PCDHA5: variants seen among roughly 807,000 people sequenced by gnomAD.
PCDHA5 encodes protocadherin alpha 5.
PCDHA5 carries 43 observed loss-of-function variants against 61.6 expected under a neutral mutation model. The ratio of observed to expected loss-of-function variants is 0.70; its 90% CI spans 0.55 to 0.90. The LOEUF (loss-of-function observed/expected upper bound fraction) is 0.90. PCDHA5 is among the 40% of genes least tolerant of loss of function. The probability of loss-of-function intolerance (pLI) is 0.00; values close to 1 mark genes in which losing one functional copy is unlikely to be tolerated. For synonymous variants in PCDHA5, 627 were observed against 543.9 expected (o/e 1.15, Z -2.13); for missense variants, 1,298 against 1,222.7 (o/e 1.06, Z -0.92).
intron 3 of PCDHA5, among the ~76,000 whole-genome samples, chr5:140,985,879 A>G (rs539308826): frequency 6.6e-6 from 1 of 151,504 alleles, no homozygotes; most frequent in Non-Finnish European, 1.5e-5. Context: ...AGCTGGGACT[A>G]CAGGCGCCCG....
chr5:140,940,494 G>C (rs553813143), intron 1 of PCDHA5, among the ~76,000 whole-genome samples: 1 of 151,724 alleles, frequency 6.6e-6, no homozygotes, highest in East Asian at 1.9e-4. Context: ...GACAAGTCTT[G>C]CTCCGTCGCT....
intron 1 of PCDHA5, chr5:140,928,010 G>A: frequency 1.2e-6 from 2 of 1,614,168 alleles, no homozygotes; most frequent in Non-Finnish European, 1.7e-6. Context: ...GATTCTAATG[G>A]TAGGGTCATT....
chr5:140,871,755 T>C (rs2053292269), intron 1 of PCDHA5, among the ~76,000 whole-genome samples: 1 of 152,248 alleles, frequency 6.6e-6, no homozygotes. Context: ...AGAAATGAGA[T>C]GCAAGAGTGA....
chr5:140,849,765 G>A, intron 1 of PCDHA5: 1 of 1,598,514 alleles, frequency 6.3e-7, no homozygotes, highest in Non-Finnish European at 8.6e-7. Context: ...CTACGAGCTG[G>A]TGGTTACCGC....
At chr5:140,999,554 G>T (rs2097862771) in intron 3 of PCDHA5, among the ~76,000 whole-genome samples, 1 of 152,158 alleles carries the variant, frequency 6.6e-6, no homozygotes, top group Non-Finnish European at 1.5e-5. Context: ...TGAAGAGGGG[G>T]TATTTTGAGA....
intron 1 of PCDHA5, chr5:140,870,851 C>T: frequency 6.2e-7 from 1 of 1,613,838 alleles, no homozygotes; most frequent in Non-Finnish European, 8.5e-7. Context: ...GTACCGCGGT[C>T]GGTGGGTGCG....
intron 1 of PCDHA5, chr5:140,926,544 C>G (rs9765406): frequency 0.16 from 35,740 of 221,378 alleles, 3,305 homozygotes; most frequent in African/African-American, 0.26. Context: ...GCGTGGTGGT[C>G]GAGACCCCAG....
At chr5:140,989,837 T>C (rs1389244965) in intron 3 of PCDHA5, among the ~76,000 whole-genome samples, 1 of 152,120 alleles carries the variant, frequency 6.6e-6, no homozygotes, top group African/African-American at 2.4e-5. Context: ...AGCCTGTCAA[T>C]GAGTGTGTGG....
At position 140,927,789 on chromosome 5, in the gene PCDHA5, A is replaced by G. The variant is rs781883935; in HGVS notation, c.2353-51160A>G. On this transcript the variant is annotated intron_variant, in intron 1 of 3. Transcript: ENST00000529859. The stretch of plus-strand genomic sequence containing the variant: ...GGGAGGTGCAAGTAGCTGCTTCACT[A>G]GGTCCGCCTGAAACGCTCTTGGAGG... 4 of 1,614,164 alleles carry G rather than the reference A, an allele frequency of 2.5e-6. No individual in the cohort carries two copies. The African/African-American group carries it at 4.0e-5, about 16-fold the overall frequency.
At chr5:140,871,015 G>C in intron 1 of PCDHA5, 1 of 1,613,244 alleles carries the variant, frequency 6.2e-7, no homozygotes, top group Non-Finnish European at 8.5e-7. Context: ...TGCCCTGGAC[G>C]AGGCAGACTC....
intron 1 of PCDHA5, among the ~76,000 whole-genome samples, chr5:140,924,551 AT>A (rs2153572839): frequency 6.6e-6 from 1 of 152,240 alleles, no homozygotes; most frequent in African/African-American, 2.4e-5. Context: ...TCTCCCCACC[AT>A]TTTAATCAGC....
chr5:140,914,318 T>C (rs2076678777), intron 1 of PCDHA5, among the ~76,000 whole-genome samples: 6 of 152,216 alleles, frequency 3.9e-5, no homozygotes, highest in Admixed American at 3.9e-4. Flanking sequence ...CCCATTATCA[T>C]TGTACAAAGA....
intron 1 of PCDHA5, chr5:140,829,062 A>G (rs1250772416): frequency 6.2e-7 from 1 of 1,612,838 alleles, no homozygotes; most frequent in South Asian, 1.1e-5. Context: ...GACGCCACGG[A>G]CAAAGGCCAT....
chr5:140,936,235 GA>G (rs1358431789), intron 1 of PCDHA5, among the ~76,000 whole-genome samples: 2 of 152,076 alleles, frequency 1.3e-5, no homozygotes, highest in African/African-American at 4.8e-5. Context: ...TCCTTTTAAA[GA>G]AAACATATCC....
chr5:140,830,020 G>A (rs782361791), intron 1 of PCDHA5: 3 of 1,613,754 alleles, frequency 1.9e-6, no homozygotes, highest in Admixed American at 1.7e-5. Flanking sequence ...CGGACTCTCC[G>A]CGCCACCGGC....
chr5:140,927,172 G>C (rs782548172), intron 1 of PCDHA5: 2 of 1,614,034 alleles, frequency 1.2e-6, no homozygotes, highest in African/African-American at 2.7e-5. Flanking sequence ...AGCTGCCTGC[G>C]TCTTGACCTA....
intron 1 of PCDHA5, chr5:140,829,589 G>A (rs1770412729): frequency 3.7e-6 from 6 of 1,611,976 alleles, no homozygotes; most frequent in Non-Finnish European, 5.1e-6. Flanking sequence ...GCGGCGGGTG[G>A]GCGAGCGCGC....
intron 1 of PCDHA5, among the ~76,000 whole-genome samples, chr5:140,953,932 C>G (rs1005245846): frequency 1.2e-4 from 19 of 152,060 alleles, no homozygotes; most frequent in Non-Finnish European, 5.9e-5. Flanking sequence ...CTGATGCTCT[C>G]CCTCCCATTG....
At chr5:140,969,473 A>C (rs562575347) in intron 1 of PCDHA5, 2 of 1,478,208 alleles carry the variant, frequency 1.4e-6, no homozygotes, top group South Asian at 2.8e-5. Context: ...CCACAATTTG[A>C]TCATAATCTG....
Sources: allele counts gnomAD v4.1 joint callset (sites outside exome capture counted in the v4.1 genomes callset), GRCh38; gene constraint gnomAD v4.1.1; transcripts MANE v1.5; gene names NCBI Gene and HGNC (gene_info 2026-07-23, HGNC 2026-07-21).